The following ERBB4 variants were observed in gnomAD, a reference collection of about 807,000 sequenced individuals.
ERBB4 encodes erb-b2 receptor tyrosine kinase 4.
Under a neutral mutation model 158.0 loss-of-function variants are expected in ERBB4, and 42 were observed. The ratio of observed to expected loss-of-function variants is 0.27; its 90% confidence interval spans 0.21 to 0.34. ERBB4 has a LOEUF of 0.34. Ranked by LOEUF, ERBB4 falls within the 10% of genes least tolerant of loss-of-function variation. ERBB4 has a pLI of 1.00. For missense variants in ERBB4, 1,333 were observed against 1,624.1 expected (o/e 0.82, Z 3.08); for synonymous variants, 583 against 558.7 (o/e 1.04, Z -0.61).
rs113461446 is a variant in ERBB4 at position 211,679,044 on chromosome 2, A to G, written c.1622+8T>C. 3.7e-6 allele frequency: 6 copies of G among 1,611,410 alleles called. 1 individual carries two copies. The highest frequency in any genetic ancestry group is 2.7e-5 in the African/African-American group (2 of 74,848). On this transcript the variant is annotated splice_region_variant and intron_variant, in intron 13 of 27. Transcript: ENST00000342788. ...ATGAGGTGAAGGCAACCCTAGAAGA[A>G]GCCTTACCCATCATAGAGGTTACAA...
intron 2 of ERBB4, among the ~76,000 whole-genome samples, chr2:212,007,686 C>T (rs1318765844): frequency 6.6e-6 from 1 of 151,742 alleles, no homozygotes; most frequent in Admixed American, 6.6e-5. Flanking sequence ...TTATCTAATC[C>T]TTAAGCACTA....
At chr2:212,182,350 C>G (rs1282063703) in intron 1 of ERBB4, among the ~76,000 whole-genome samples, 2 of 151,814 alleles carry the variant, frequency 1.3e-5, no homozygotes, top group Admixed American at 1.3e-4. Context: ...CAATTCTTGA[C>G]AGTTTTTTTG....
At chr2:211,855,017 C>G (rs1253270654) in intron 3 of ERBB4, among the ~76,000 whole-genome samples, 2 of 152,102 alleles carry the variant, frequency 1.3e-5, no homozygotes, top group Non-Finnish European at 2.9e-5. Context: ...TACTCAACAA[C>G]ATTCGTTACT....
chr2:211,807,508 G>A (rs71437532), intron 3 of ERBB4, among the ~76,000 whole-genome samples: 1 of 152,182 alleles, frequency 6.6e-6, no homozygotes, highest in Admixed American at 6.5e-5. Context: ...ATTCCATGGT[G>A]TATATGTGCC....
intron 20 of ERBB4, among the ~76,000 whole-genome samples, chr2:211,485,875 G>T (rs1241613363): frequency 2.0e-5 from 3 of 151,778 alleles, no homozygotes; most frequent in African/African-American, 7.3e-5. Context: ...AAAAAGAAAA[G>T]AAATAAAAGG....
intron 12 of ERBB4, among the ~76,000 whole-genome samples, chr2:211,697,560 A>G (rs2073070506): frequency 6.6e-6 from 1 of 152,190 alleles, no homozygotes; most frequent in Non-Finnish European, 1.5e-5. Context: ...ATTTGTAAAT[A>G]GTTCTTTCAA....
In ERBB4 at chr2:211,870,031, C is replaced by T. The variant is rs150254203; in HGVS notation, c.421+77399G>A. ...CTTCACTGTCCTCCTTGTGATTCTC[C>T]CAGTATCCATCATCTTCCTTTTCTT... On this transcript the variant is annotated intron_variant, in intron 3 of 27. Transcript: ENST00000342788. 3.9e-5 allele frequency among the ~76,000 whole-genome samples: 6 copies of T among 152,212 alleles called. No homozygotes were observed. The East Asian group carries it at 5.8e-4, about 15-fold the overall frequency.
chr2:211,416,481 A>G (rs1482708161), intron 25 of ERBB4, among the ~76,000 whole-genome samples: 2 of 152,188 alleles, frequency 1.3e-5, no homozygotes, highest in East Asian at 3.8e-4. Context: ...TGGCCTGACC[A>G]TATGTAAAAA....
intron 1 of ERBB4, among the ~76,000 whole-genome samples, chr2:212,272,456 G>C (rs980722216): frequency 1.3e-5 from 2 of 151,698 alleles, no homozygotes; most frequent in African/African-American, 4.8e-5. Context: ...GGAATAATGT[G>C]GCATTTCCAG....
chr2:212,532,074 A>C (rs1279711096), intron 1 of ERBB4, among the ~76,000 whole-genome samples: 1 of 152,218 alleles, frequency 6.6e-6, no homozygotes, highest in Non-Finnish European at 1.5e-5. Context: ...TCTTTAATGC[A>C]ACATAACCTT....
chr2:211,950,614 A>G (rs941536581), intron 2 of ERBB4, among the ~76,000 whole-genome samples: 8 of 152,140 alleles, frequency 5.3e-5, no homozygotes, highest in African/African-American at 1.7e-4. Context: ...CAAATAATCA[A>G]TAGAAGAGTA....
chr2:211,955,497 T>C (rs1013683870), intron 2 of ERBB4, among the ~76,000 whole-genome samples: 3 of 152,144 alleles, frequency 2.0e-5, no homozygotes, highest in Admixed American at 1.3e-4. Flanking sequence ...CATAGACTTA[T>C]TACACTAGAG....
At chr2:212,410,670 G>A (rs1429002594) in intron 1 of ERBB4, among the ~76,000 whole-genome samples, 1 of 151,882 alleles carries the variant, frequency 6.6e-6, no homozygotes, top group East Asian at 1.9e-4. Flanking sequence ...TAAAACAGTG[G>A]TATATATTCG....
At chr2:212,404,608 G>A (rs1455654994) in intron 1 of ERBB4, among the ~76,000 whole-genome samples, 1 of 151,994 alleles carries the variant, frequency 6.6e-6, no homozygotes, top group Non-Finnish European at 1.5e-5. Context: ...AAAATCAGCA[G>A]GGCAAACAGC....
intron 2 of ERBB4, among the ~76,000 whole-genome samples, chr2:212,119,934 G>C (rs1425802074): frequency 6.6e-6 from 1 of 152,144 alleles, no homozygotes. Flanking sequence ...CACTTTTGCT[G>C]TGTTCTTGAA....
intron 20 of ERBB4, among the ~76,000 whole-genome samples, chr2:211,547,151 C>T (rs888642114): frequency 3.9e-5 from 6 of 151,994 alleles, no homozygotes; most frequent in African/African-American, 1.4e-4. Flanking sequence ...TATAGTTATA[C>T]AAGATGTTAT....
intron 1 of ERBB4, among the ~76,000 whole-genome samples, chr2:212,223,975 A>C (rs2083388283): frequency 6.6e-6 from 1 of 151,892 alleles, no homozygotes; most frequent in African/African-American, 2.4e-5. Context: ...AACATCTGTA[A>C]TAGATTGCAA....
intron 1 of ERBB4, among the ~76,000 whole-genome samples, chr2:212,494,329 G>T (rs1690441976): frequency 1.3e-5 from 2 of 151,916 alleles, no homozygotes; most frequent in African/African-American, 4.8e-5. Context: ...TTAAAAAGAG[G>T]TAACTTTGAA....
In ERBB4 at chr2:211,692,177, C is replaced by A. The variant is rs1020621156; in HGVS notation, c.1489+9790G>T. Among the ~76,000 whole-genome samples, 3 of 152,110 alleles carry A rather than the reference C, an allele frequency of 2.0e-5. No individual in the cohort carries two copies. The South Asian group carries it at 6.2e-4, about 32-fold the overall frequency. ...TGTGAATGCTCTTAGCATATGCCTG[C>A]CAGGGCCAGTCATCTTTCATGAAGA... On this transcript the variant is annotated intron_variant, in intron 12 of 27. Transcript: ENST00000342788.
Sources: allele counts gnomAD v4.1 joint callset (sites outside exome capture counted in the v4.1 genomes callset), GRCh38; gene constraint gnomAD v4.1.1; transcripts MANE v1.5; gene names NCBI Gene and HGNC (gene_info 2026-07-23, HGNC 2026-07-21).